Variants in RALA observed in about 807,000 individuals in gnomAD.
RALA encodes the protein ras-related protein Ral-A.
RALA carries 5 observed loss-of-function variants against 24.0 expected under a neutral mutation model. The observed-to-expected ratio is 0.21, with a 90% CI of 0.11 to 0.44. RALA has a LOEUF of 0.44. Among genes scored for constraint, RALA ranks in the 20% least tolerant of loss-of-function variants. The probability of loss-of-function intolerance (pLI) is 0.99; values close to 1 mark genes in which losing one functional copy is unlikely to be tolerated. For synonymous variants in RALA, 77 were observed against 83.8 expected, an observed-to-expected ratio of 0.92 and a Z score of 0.44; for missense variants, 95 against 241.2, an observed-to-expected ratio of 0.39 and a Z score of 4.01.
At chr7:39,631,963 G>A (rs921136838) in intron 1 of RALA, among the ~76,000 whole-genome samples, 5 of 152,324 alleles carry the variant, frequency 3.3e-5, no homozygotes, top group African/African-American at 1.2e-4. Flanking sequence ...ACTCATGGAA[G>A]AAGGCGAAGG....
chr7:39,679,370 A>G (rs1792545213), intron 1 of RALA, among the ~76,000 whole-genome samples: 1 of 152,180 alleles, frequency 6.6e-6, no homozygotes, highest in African/African-American at 2.4e-5. Context: ...TACAGGCCAT[A>G]CGAAAACAAG....
At chr7:39,652,562 A>T (rs1472925199) in intron 1 of RALA, among the ~76,000 whole-genome samples, 1 of 152,214 alleles carries the variant, frequency 6.6e-6, no homozygotes, top group Non-Finnish European at 1.5e-5. Context: ...CTGTAATCAT[A>T]GGAGTAACAT....
At position 39,636,615 on chromosome 7, in the gene RALA, C is replaced by T. The variant is rs912391568; in HGVS notation, c.-38+12790C>T. On this transcript the variant is annotated intron_variant, in intron 1 of 4. Transcript: ENST00000005257. ...CAGGTGGACTTTCTTTTTGATTCAT[C>T]AACAAAATTTCTGTTTTACGTTTGT... 2.6e-5 allele frequency among the ~76,000 whole-genome samples: 4 copies of T among 152,116 alleles called. No homozygotes were observed. In the East Asian group the frequency reaches 5.8e-4, roughly 22 times the overall value.
At chr7:39,680,932 G>T (rs1792584993) in intron 1 of RALA, among the ~76,000 whole-genome samples, 1 of 152,152 alleles carries the variant, frequency 6.6e-6, no homozygotes, top group Non-Finnish European at 1.5e-5. Context: ...TTTCATTGAA[G>T]AAATTTAGAT....
intron 4 of RALA, among the ~76,000 whole-genome samples, chr7:39,698,260 G>A (rs961222492): frequency 3.3e-5 from 5 of 152,182 alleles, no homozygotes; most frequent in African/African-American, 9.6e-5. Flanking sequence ...TAAGGAATTC[G>A]GGTTTCAGTA....
At chr7:39,643,172 G>A (rs1260426076) in intron 1 of RALA, among the ~76,000 whole-genome samples, 1 of 152,166 alleles carries the variant, frequency 6.6e-6, no homozygotes, top group Non-Finnish European at 1.5e-5. Context: ...TTAAGAATTA[G>A]GAAGTAAAGT....
chr7:39,634,062 G>A (rs1299069338), intron 1 of RALA, among the ~76,000 whole-genome samples: 1 of 152,158 alleles, frequency 6.6e-6, no homozygotes, highest in Non-Finnish European at 1.5e-5. Context: ...CAGGAGGGCT[G>A]GGTGGTAGGG....
At chr7:39,703,509 C>T (rs189716672) in intron 4 of RALA, among the ~76,000 whole-genome samples, 2 of 152,286 alleles carry the variant, frequency 1.3e-5, no homozygotes, top group Admixed American at 6.5e-5. Flanking sequence ...TGCTTTCTGA[C>T]TTAAATTTTA....
chr7:39,647,548 A>G (rs1331210472), intron 1 of RALA, among the ~76,000 whole-genome samples: 1 of 152,276 alleles, frequency 6.6e-6, no homozygotes, highest in East Asian at 1.9e-4. Context: ...TTGTTGTGTG[A>G]TCCCGGACAT....
At chr7:39,654,019 A>G (rs1293180919) in intron 1 of RALA, among the ~76,000 whole-genome samples, 1 of 152,214 alleles carries the variant, frequency 6.6e-6, no homozygotes, top group Non-Finnish European at 1.5e-5. Flanking sequence ...TATATCCAGA[A>G]TACTAGGGAA....
intron 1 of RALA, among the ~76,000 whole-genome samples, chr7:39,631,566 A>G (rs187686149): frequency 6.6e-5 from 10 of 152,288 alleles, no homozygotes; most frequent in Admixed American, 5.2e-4. Flanking sequence ...CTTAACCTAA[A>G]ACAAACAATG....
chr7:39,635,685 G>T (rs1791674868), intron 1 of RALA, among the ~76,000 whole-genome samples: 1 of 152,144 alleles, frequency 6.6e-6, no homozygotes, highest in Admixed American at 6.5e-5. Flanking sequence ...TCAGGCATTA[G>T]TTAGATTCTC....
At position 39,631,011 on chromosome 7, in the gene RALA, G is replaced by T. The variant is rs1406067637; in HGVS notation, c.-38+7186G>T. Among the ~76,000 whole-genome samples the T allele has an allele frequency of 9.6e-4, 134 of 139,242 alleles. 1 individual carries two copies. The highest frequency in any genetic ancestry group is 3.0e-3 in the African/African-American group (115 of 38,180). The allele number at this position is 139,242 out of a possible 152,430, so 91.3% of individuals were successfully genotyped here. On this transcript the variant is annotated intron_variant, in intron 1 of 4. Coordinates refer to ENST00000005257, the MANE Select transcript of RALA (RefSeq NM_005402.4). ...AATTCATTGCTGGTTTTTTGTTTTT[G>T]TTTTTTTTTTTTTTGAGACAGAGTT... is the stretch of plus-strand genomic sequence containing the variant.
intron 1 of RALA, among the ~76,000 whole-genome samples, chr7:39,651,503 A>G (rs1358613990): frequency 6.6e-6 from 1 of 152,206 alleles, no homozygotes; most frequent in East Asian, 1.9e-4. Flanking sequence ...CAATTGCTGA[A>G]GCAGCTATTT....
chr7:39,648,591 G>C (rs1201907367), intron 1 of RALA, among the ~76,000 whole-genome samples: 1 of 152,154 alleles, frequency 6.6e-6, no homozygotes, highest in Non-Finnish European at 1.5e-5. Flanking sequence ...GTGAGGGAGT[G>C]AGCCATGTGC....
rs1793137053 is a variant in RALA at position 39,707,416 on chromosome 7, TGAA to T, written c.*1175_*1177del. ...AATTCTTTTCTGTTTCTGTTTATAA[TGAA>T]GAACACTGTAGCTACATTTTCAGAA... is the stretch of plus-strand genomic sequence containing the variant. On this transcript the variant is annotated 3_prime_UTR_variant, in exon 5 of 5. Transcript: ENST00000005257. The T allele has an allele frequency of 6.6e-6, 1 of 152,236 alleles. No individual in the cohort carries two copies. The highest frequency in any genetic ancestry group is 6.5e-5 in the Admixed American group (1 of 15,286). 9.4% of individuals were successfully genotyped at this position (152,236 alleles called of 1,614,324 possible). A position where few individuals can be genotyped will look rare whatever the true frequency, so the allele number is the denominator to read the frequency against.
chr7:39,664,948 G>A (rs1792257241), intron 1 of RALA, among the ~76,000 whole-genome samples: 1 of 152,092 alleles, frequency 6.6e-6, no homozygotes, highest in South Asian at 2.1e-4. Flanking sequence ...CTAGCAGAAG[G>A]GTTCTTATTA....
intron 1 of RALA, among the ~76,000 whole-genome samples, chr7:39,657,712 C>T (rs970783851): frequency 6.6e-6 from 1 of 151,736 alleles, no homozygotes; most frequent in Non-Finnish European, 1.5e-5. Flanking sequence ...GCTTGAGCCC[C>T]GGAGTTAAAG....
chr7:39,703,001 T>C (rs545101974), intron 4 of RALA: 2 of 152,212 alleles, frequency 1.3e-5, no homozygotes, highest in Non-Finnish European at 2.9e-5. Flanking sequence ...ATATTGAATG[T>C]TCCCAACACA....
Sources: allele counts gnomAD v4.1 joint callset (sites outside exome capture counted in the v4.1 genomes callset), GRCh38; gene constraint gnomAD v4.1.1; transcripts MANE v1.5; gene names NCBI Gene and HGNC (gene_info 2026-07-23, HGNC 2026-07-21).